ARHGEF9: variants seen among roughly 807,000 people sequenced by gnomAD.
The protein encoded by ARHGEF9 is Cdc42 guanine nucleotide exchange factor 9.
Under a neutral mutation model 41.3 loss-of-function variants are expected in ARHGEF9, and 2 were observed. That is an observed-to-expected ratio of 0.05 (90% CI 0.02 to 0.15). The LOEUF (loss-of-function observed/expected upper bound fraction) is 0.15. Ranked by LOEUF, ARHGEF9 falls within the 10% of genes least tolerant of loss-of-function variation. ARHGEF9 has a pLI of 1.00. For missense variants in ARHGEF9, 225 were observed against 424.7 expected (o/e 0.53, Z 4.13); for synonymous variants, 160 against 154.4 (o/e 1.04, Z -0.27).
rs531189049 is a variant in ARHGEF9 at position 63,749,476 on chromosome X, C to T, written c.31-24765G>A. On this transcript the variant is annotated intron_variant, in intron 1 of 9. Coordinates refer to ENST00000671741, the MANE Select transcript of ARHGEF9 (RefSeq NM_001353921.2). Reference sequence around the variant, plus strand: ...GAAATCCTGACCTCAGGTGATCCACCGGCCTCAGCCTCCCAAAGTGCTGGG... The same window carrying T: ...GAAATCCTGACCTCAGGTGATCCACTGGCCTCAGCCTCCCAAAGTGCTGGG... 2.9e-4 allele frequency among the ~76,000 whole-genome samples: 32 copies of T among 112,248 alleles called. No individual in the cohort carries two copies. The East Asian group carries it at 5.9e-3, about 21-fold the overall frequency.
At chrX:63,735,447 G>T (rs782675588) in intron 1 of ARHGEF9, among the ~76,000 whole-genome samples, 11 of 111,576 alleles carry the variant, frequency 9.9e-5, no homozygotes, top group Non-Finnish European at 2.1e-4. Context: ...CAGAGGGTGG[G>T]TGGGCAAGGC....
chrX:63,637,936 A>T lies in ARHGEF9; in HGVS notation c.*92T>A, dbSNP rs1357831497. The T allele has an allele frequency of 6.2e-6, 5 of 801,927 alleles. No individual in the cohort carries two copies. The highest frequency in any genetic ancestry group is 2.1e-5 in the African/African-American group (1 of 47,179). The allele number at this position is 801,927 out of a possible 1,213,427, so 66.1% of individuals were successfully genotyped here. ...AGGGTCTCTGTGTGTGTGTGTGTGT[A>T]TAAATTTCAACAGTGCTTCTCCGAA... On this transcript the variant is annotated 3_prime_UTR_variant, in exon 10 of 10. Transcript: ENST00000671741.
intron 7 of ARHGEF9, among the ~76,000 whole-genome samples, chrX:63,659,919 T>A (rs1569446612): frequency 9.0e-6 from 1 of 111,674 alleles, no homozygotes; most frequent in African/African-American, 3.3e-5. Flanking sequence ...TTCTCAGGAA[T>A]AGAATGCTTA....
rs369528489 is a variant in ARHGEF9 at position 63,638,251 on chromosome X, G to A, written c.1391-42C>T. 46 of 1,107,809 alleles carry A rather than the reference G, an allele frequency of 4.2e-5. No homozygotes were observed. The African/African-American group carries it at 7.7e-4, about 19-fold the overall frequency. 91.3% of individuals were successfully genotyped at this position (1,107,809 alleles called of 1,213,427 possible). A position where few individuals can be genotyped will look rare whatever the true frequency, so the allele number is the denominator to read the frequency against. On this transcript the variant is annotated intron_variant, in intron 9 of 9. Coordinates refer to ENST00000671741, the MANE Select transcript of ARHGEF9 (RefSeq NM_001353921.2). ...ATCAAAGGGAAAGGGTATAAGTTATGTAACAAAGGGCTTCTCAAATTACCC... is the reference window on the plus strand; with the variant it reads ...ATCAAAGGGAAAGGGTATAAGTTATATAACAAAGGGCTTCTCAAATTACCC...
intron 6 of ARHGEF9, among the ~76,000 whole-genome samples, chrX:63,672,762 C>T (rs1236315688): frequency 1.8e-5 from 2 of 111,328 alleles, no homozygotes; most frequent in Admixed American, 1.9e-4. Context: ...AGAATAAGGC[C>T]AGCTAATCCA....
At chrX:63,781,645 G>A (rs1323371483) in intron 1 of ARHGEF9, among the ~76,000 whole-genome samples, 1 of 111,789 alleles carries the variant, frequency 8.9e-6, no homozygotes, top group Non-Finnish European at 1.9e-5. Context: ...CAACCATCAC[G>A]TCTAACCTGG....
chrX:63,648,015 G>A (rs1185526139), intron 8 of ARHGEF9, among the ~76,000 whole-genome samples: 2 of 111,524 alleles, frequency 1.8e-5, no homozygotes, highest in Admixed American at 1.9e-4. Flanking sequence ...AACCAAGTTG[G>A]AAAACACTCT....
At chrX:63,696,004 C>T (rs1556387651) in intron 4 of ARHGEF9, among the ~76,000 whole-genome samples, 1 of 111,837 alleles carries the variant, frequency 8.9e-6, no homozygotes, top group Non-Finnish European at 1.9e-5. Context: ...GTTTCCTCTG[C>T]ACTTTGCCCT....
intron 1 of ARHGEF9, chrX:63,755,214 A>T (rs2055889603): frequency 2.1e-6 from 2 of 937,023 alleles, no homozygotes; most frequent in Non-Finnish European, 2.6e-6. Flanking sequence ...ATACCCGCCG[A>T]CCAATAACAG....
Position 63,635,214 on chromosome X carries a change from T to C in ARHGEF9, c.*2814A>G. ...AAGCACTAAAAGATCACTATTTGGC[T>C]TCACACTAGAATTGTTAGAACTCTC... On this transcript the variant is annotated 3_prime_UTR_variant, in exon 10 of 10. Coordinates refer to ENST00000671741, the MANE Select transcript of ARHGEF9 (RefSeq NM_001353921.2). 3.0e-6 allele frequency: 1 copy of C among 336,787 alleles called. No individual in the cohort carries two copies. The highest frequency in any genetic ancestry group is 7.1e-5 in the East Asian group (1 of 14,098). The allele number at this position is 336,787 out of a possible 1,213,427, so 27.8% of individuals were successfully genotyped here. A position where few individuals can be genotyped will look rare whatever the true frequency, so the allele number is the denominator to read the frequency against.
intron 4 of ARHGEF9, among the ~76,000 whole-genome samples, chrX:63,685,268 A>G (rs1271953872): frequency 9.0e-6 from 1 of 111,564 alleles, no homozygotes; most frequent in Non-Finnish European, 1.9e-5. Context: ...AAATTTTAAA[A>G]GGTCAAAATC....
chrX:63,770,598 C>A (rs113511214), intron 1 of ARHGEF9, among the ~76,000 whole-genome samples: 1 of 111,764 alleles, frequency 8.9e-6, no homozygotes, highest in Admixed American at 9.5e-5. Context: ...TGGGAGGGAC[C>A]AAGGGCGGAA....
Position 63,637,878 on chromosome X carries a change from G to C in ARHGEF9, c.*150C>G, listed in dbSNP as rs1443099781. The C allele has an allele frequency of 4.6e-5, 19 of 409,045 alleles. No individual in the cohort carries two copies. Among genetic ancestry groups the C allele is most frequent in the African/African-American group, 4.3e-4 (16 of 37,075 alleles). The allele number at this position is 409,045 out of a possible 1,213,427, so 33.7% of individuals were successfully genotyped here. On this transcript the variant is annotated 3_prime_UTR_variant, in exon 10 of 10. Coordinates refer to ENST00000671741, the MANE Select transcript of ARHGEF9 (RefSeq NM_001353921.2). The stretch of plus-strand genomic sequence containing the variant: ...TGTGTGTGTGTGTGTGTGTGTGTGT[G>C]TGTCTGTGTGTGTGTGTGTGTATGT...
chrX:63,667,677 T>A (rs1766952888), intron 6 of ARHGEF9, among the ~76,000 whole-genome samples: 1 of 110,636 alleles, frequency 9.0e-6, no homozygotes, highest in African/African-American at 3.3e-5. Context: ...GGGAACTCAG[T>A]AGAATTATTT....
chrX:63,645,842 C>T (rs1391923127), intron 8 of ARHGEF9, among the ~76,000 whole-genome samples: 1 of 111,924 alleles, frequency 8.9e-6, no homozygotes, highest in Non-Finnish European at 1.9e-5. Flanking sequence ...TACAGTCCCA[C>T]CAACAGTGTA....
At chrX:63,714,340 C>G (rs782624479) in intron 2 of ARHGEF9, among the ~76,000 whole-genome samples, 1 of 112,540 alleles carries the variant, frequency 8.9e-6, no homozygotes, top group African/African-American at 3.2e-5. Context: ...TGTCTTCCCA[C>G]GAACTCTCTT....
Position 63,635,107 on chromosome X carries a change from G to T in ARHGEF9, c.*2921C>A. The T allele has an allele frequency of 2.9e-6, 1 of 345,534 alleles. No homozygotes were observed. Among genetic ancestry groups the T allele is most frequent in the Non-Finnish European group, 5.0e-6 (1 of 200,683 alleles). The allele number at this position is 345,534 out of a possible 1,213,427, so 28.5% of individuals were successfully genotyped here. A position where few individuals can be genotyped will look rare whatever the true frequency, so the allele number is the denominator to read the frequency against. ...AGTCAGTCAGATAAAAGAAACAAAA[G>T]AATAAACTGGCAAATGCAGAGCAGC... is the stretch of plus-strand genomic sequence containing the variant. On this transcript the variant is annotated 3_prime_UTR_variant, in exon 10 of 10. Coordinates refer to ENST00000671741, the MANE Select transcript of ARHGEF9 (RefSeq NM_001353921.2).
chrX:63,750,721 C>T (rs1273349502), intron 1 of ARHGEF9, among the ~76,000 whole-genome samples: 3 of 111,431 alleles, frequency 2.7e-5, no homozygotes, highest in Non-Finnish European at 5.7e-5. Flanking sequence ...GAGCTTCTGG[C>T]ACTAAAGCTA....
intron 4 of ARHGEF9, among the ~76,000 whole-genome samples, chrX:63,684,172 A>C (rs1213643427): frequency 9.0e-5 from 10 of 110,926 alleles, no homozygotes; most frequent in East Asian, 2.8e-4. Flanking sequence ...GCAAAAAAAA[A>C]CAAATAAACA....
Sources: allele counts gnomAD v4.1 joint callset (sites outside exome capture counted in the v4.1 genomes callset), GRCh38; gene constraint gnomAD v4.1.1; transcripts MANE v1.5; gene names NCBI Gene and HGNC (gene_info 2026-07-23, HGNC 2026-07-21).